RPS6KA5: variants seen among roughly 807,000 people sequenced by gnomAD.
The protein encoded by RPS6KA5 is ribosomal protein S6 kinase alpha-5.
A neutral mutation model predicts 85.5 loss-of-function variants in RPS6KA5; 27 were observed. That is an observed-to-expected ratio of 0.32 (90% CI 0.23 to 0.44). The LOEUF (loss-of-function observed/expected upper bound fraction) is 0.44, where lower values mean the gene tolerates loss of function less well. Ranked by LOEUF, RPS6KA5 falls within the 20% of genes least tolerant of loss-of-function variation. The pLI is 1.00. For missense variants in RPS6KA5, 811 were observed against 980.9 expected, an observed-to-expected ratio of 0.83 and a Z score of 2.31; for synonymous variants, 334 against 348.2, an observed-to-expected ratio of 0.96 and a Z score of 0.46.
intron 1 of RPS6KA5, among the ~76,000 whole-genome samples, chr14:91,041,390 A>G (rs1057458099): frequency 7.2e-5 from 11 of 152,220 alleles, no homozygotes. Flanking sequence ...TTGTATGCAG[A>G]GAGAAAAAAA....
intron 1 of RPS6KA5, among the ~76,000 whole-genome samples, chr14:91,014,327 C>G (rs1286605267): frequency 1.3e-5 from 2 of 151,646 alleles, no homozygotes; most frequent in Non-Finnish European, 2.9e-5. Flanking sequence ...ACGGTGAAAC[C>G]CTGGTCTCTA....
rs758848393 is a variant in RPS6KA5 at position 90,900,235 on chromosome 14, G to A, written c.1252C>T (p.Pro418Ser). The A allele has an allele frequency of 6.3e-7, 1 of 1,579,754 alleles. No individual in the cohort carries two copies. Among genetic ancestry groups the A allele is most frequent in the Non-Finnish European group, 8.6e-7 (1 of 1,163,168 alleles). ...VARSAMMKDS[P>S]FYQHYDLDLK... Reference sequence around the variant, plus strand: ...TCTAGGTCATAGTGTTGATAGAATGGAGAGTCCTGTCAAGAAATCAACATC... The same window carrying A: ...TCTAGGTCATAGTGTTGATAGAATGAAGAGTCCTGTCAAGAAATCAACATC... The change falls in exon 11 of 17, where the codon CCA (proline) becomes TCA (serine). Residue 418 changes from proline to serine, a missense_variant. Pro to Ser is a moderately conservative substitution (Grantham distance 74). Coordinates refer to ENST00000614987, the MANE Select transcript of RPS6KA5 (RefSeq NM_004755.4).
rs1405871867 is a variant in RPS6KA5 at position 90,861,452 on chromosome 14, G to C, written c.*10622C>G. ...CAGGAGAATGGCATGAACCCGGGAG[G>C]CGGAGCTTGCAGTGAGCCGAGATCC... On this transcript the variant is annotated 3_prime_UTR_variant, in exon 17 of 17. Coordinates refer to ENST00000614987, the MANE Select transcript of RPS6KA5 (RefSeq NM_004755.4). 1 of 147,402 alleles carries C rather than the reference G, an allele frequency of 6.8e-6. No individual in the cohort carries two copies. The highest frequency in any genetic ancestry group is 1.5e-5 in the Non-Finnish European group (1 of 66,362). The allele number at this position is 147,402 out of a possible 1,614,324, so 9.1% of individuals were successfully genotyped here. A position where few individuals can be genotyped will look rare whatever the true frequency, so the allele number is the denominator to read the frequency against.
Position 91,010,058 on chromosome 14 carries a change from C to T in RPS6KA5, c.104-8899G>A, listed in dbSNP as rs112273425. ...GCGATTTTTTTTTTTTTTTAAGAACCATTAATAGGGGAAGAATGAGAAAAA... is the reference window on the plus strand; with the variant it reads ...GCGATTTTTTTTTTTTTTTAAGAACTATTAATAGGGGAAGAATGAGAAAAA... On this transcript the variant is annotated intron_variant, in intron 1 of 16. Coordinates refer to ENST00000614987, the MANE Select transcript of RPS6KA5 (RefSeq NM_004755.4). 4.3e-3 allele frequency among the ~76,000 whole-genome samples: 640 copies of T among 148,264 alleles called. 4 individuals carry two copies. Among genetic ancestry groups the T allele is most frequent in the African/African-American group, 0.015 (591 of 40,284 alleles).
intron 14 of RPS6KA5, among the ~76,000 whole-genome samples, chr14:90,886,264 A>G (rs1038127092): frequency 3.3e-5 from 5 of 152,212 alleles, no homozygotes; most frequent in Non-Finnish European, 7.3e-5. Context: ...GTTCAAAATA[A>G]AATTGTGGGA....
chr14:90,915,973 C>T (rs936650059), intron 7 of RPS6KA5, among the ~76,000 whole-genome samples: 2 of 151,492 alleles, frequency 1.3e-5, no homozygotes, highest in Non-Finnish European at 2.9e-5. Flanking sequence ...TAATATTTGC[C>T]CAAAATAGTA....
At chr14:91,012,398 G>GA (rs926015111) in intron 1 of RPS6KA5, among the ~76,000 whole-genome samples, 3 of 152,002 alleles carry the variant, frequency 2.0e-5, no homozygotes, top group African/African-American at 7.2e-5. Context: ...GTCTTCAGGG[G>GA]AAAAAAACAA....
chr14:90,933,258 T>A (rs1389331731), intron 5 of RPS6KA5, among the ~76,000 whole-genome samples: 1 of 152,182 alleles, frequency 6.6e-6, no homozygotes, highest in East Asian at 1.9e-4. Flanking sequence ...AATTCCAGAC[T>A]CATATAGCTC....
intron 1 of RPS6KA5, among the ~76,000 whole-genome samples, chr14:91,049,549 A>T (rs1337917621): frequency 6.6e-6 from 1 of 152,158 alleles, no homozygotes; most frequent in Non-Finnish European, 1.5e-5. Context: ...AAGGAAGCGG[A>T]GCTTGCCGTG....
At chr14:90,960,125 T>C (rs2038723095) in intron 3 of RPS6KA5, among the ~76,000 whole-genome samples, 1 of 152,112 alleles carries the variant, frequency 6.6e-6, no homozygotes, top group Non-Finnish European at 1.5e-5. Context: ...TTTGGACCAG[T>C]GGGGTTCAGA....
In RPS6KA5 at chr14:91,038,019, T is replaced by C. The variant is rs1053983642; in HGVS notation, c.103+22313A>G. 3.3e-4 allele frequency among the ~76,000 whole-genome samples: 51 copies of C among 152,334 alleles called. 1 individual carries two copies. The highest frequency in any genetic ancestry group is 1.1e-3 in the African/African-American group (46 of 41,576). On this transcript the variant is annotated intron_variant, in intron 1 of 16. Coordinates refer to ENST00000614987, the MANE Select transcript of RPS6KA5 (RefSeq NM_004755.4). ...TTCTGGAGGAAATAGGGGTGAGAGA[T>C]GGGACAGAGCTTAAGGAGAACAAGT...
chr14:91,059,462 G>T (rs1051724408), intron 1 of RPS6KA5, among the ~76,000 whole-genome samples: 2 of 151,932 alleles, frequency 1.3e-5, no homozygotes, highest in Non-Finnish European at 2.9e-5. Flanking sequence ...AGAGAAAAAA[G>T]TATTAATATA....
rs193133791 is a variant in RPS6KA5, at chr14:90,996,309, T to C, written c.175+4779A>G. 1.1e-4 allele frequency among the ~76,000 whole-genome samples: 17 copies of C among 152,136 alleles called. No individual in the cohort carries two copies. The East Asian group carries it at 3.1e-3, about 28-fold the overall frequency. On this transcript the variant is annotated intron_variant, in intron 2 of 16. Coordinates refer to ENST00000614987, the MANE Select transcript of RPS6KA5 (RefSeq NM_004755.4). The stretch of plus-strand genomic sequence containing the variant: ...ACCTCAGCCTCTCAAAGTGCTGAGA[T>C]TACAGGCATAAGCCATTGCACCAGG...
intron 1 of RPS6KA5, among the ~76,000 whole-genome samples, chr14:91,034,282 G>C (rs1282648674): frequency 1.3e-5 from 2 of 149,746 alleles, no homozygotes; most frequent in Admixed American, 6.6e-5. Flanking sequence ...TCCAGCCTGG[G>C]AGACAGAAGT....
chr14:90,911,017 G>A (rs905311283), intron 7 of RPS6KA5, among the ~76,000 whole-genome samples: 1 of 152,162 alleles, frequency 6.6e-6, no homozygotes, highest in Non-Finnish European at 1.5e-5. Flanking sequence ...CTTTGTTCAA[G>A]TGTCAACTTT....
chr14:90,986,114 AAACTGTTTATT>A (rs1426459274), intron 2 of RPS6KA5, among the ~76,000 whole-genome samples: 19 of 152,356 alleles, frequency 1.2e-4, no homozygotes, highest in Non-Finnish European at 2.2e-4. Context: ...TATGCAAAAT[AAACTGTTTATT>A]AACCTACATT....
rs1258181910 is a variant in RPS6KA5, at chr14:90,853,397, G to A, written c.*18677C>T. On this transcript the variant is annotated 3_prime_UTR_variant, in exon 17 of 17. Coordinates refer to ENST00000614987, the MANE Select transcript of RPS6KA5 (RefSeq NM_004755.4). ...CCCATTAAGACATCAACAATGAAGT[G>A]GCTAATAAAAAAGTAAGCATCACAT... is the stretch of plus-strand genomic sequence containing the variant. 1 of 151,700 alleles carries A rather than the reference G, an allele frequency of 6.6e-6. No homozygotes were observed. Among genetic ancestry groups the A allele is most frequent in the Admixed American group, 6.6e-5 (1 of 15,240 alleles). The allele number at this position is 151,700 out of a possible 1,614,324, so 9.4% of individuals were successfully genotyped here.
At chr14:90,873,165 T>C (rs146238329) in intron 16 of RPS6KA5, among the ~76,000 whole-genome samples, 2 of 152,162 alleles carry the variant, frequency 1.3e-5, no homozygotes, top group African/African-American at 4.8e-5. Context: ...ATGTGCATAA[T>C]CCACAGTTTC....
intron 2 of RPS6KA5, among the ~76,000 whole-genome samples, chr14:90,997,363 T>C (rs937371713): frequency 3.9e-5 from 6 of 152,238 alleles, no homozygotes; most frequent in South Asian, 2.1e-4. Flanking sequence ...TGAATGTTCA[T>C]AGCAGCATTA....
Sources: allele counts gnomAD v4.1 joint callset (sites outside exome capture counted in the v4.1 genomes callset), GRCh38; gene constraint gnomAD v4.1.1; transcripts MANE v1.5; gene names NCBI Gene and HGNC (gene_info 2026-07-23, HGNC 2026-07-21).